Variants in WNK3 observed in about 807,000 individuals in gnomAD.
WNK3 encodes WNK lysine deficient protein kinase 3, also known as serine/threonine-protein kinase WNK3.
WNK3 carries 18 observed loss-of-function variants against 116.7 expected under a neutral mutation model. That is an observed-to-expected ratio of 0.15 (90% CI 0.11 to 0.23). The LOEUF (loss-of-function observed/expected upper bound fraction) is 0.23, where lower values mean the gene tolerates loss of function less well. WNK3 is among the 10% of genes least tolerant of loss of function. The pLI is 1.00. For synonymous variants in WNK3, 404 were observed against 469.4 expected (o/e 0.86, Z 1.80); for missense variants, 993 against 1,323.8 (o/e 0.75, Z 3.88).
chrX:54,321,015 G>A lies in WNK3; in HGVS notation c.538-9724C>T, dbSNP rs782531798. On this transcript the variant is annotated intron_variant, in intron 2 of 23. Coordinates refer to ENST00000354646, the Ensembl canonical transcript of WNK3. ...GGGTTCAAGCAATTCTCCTGCCTCA[G>A]CCTTCTGAGTAGCTGGGATTACAGG... Among the ~76,000 whole-genome samples the A allele has an allele frequency of 2.7e-5, 3 of 110,407 alleles. No individual in the cohort carries two copies. In the South Asian group the frequency reaches 1.2e-3, roughly 43 times the overall value.
intron 10 of WNK3, among the ~76,000 whole-genome samples, chrX:54,285,189 A>G (rs1223664649): frequency 4.5e-5 from 5 of 110,716 alleles, no homozygotes; most frequent in Non-Finnish European, 9.5e-5. Context: ...GGAAGACCCT[A>G]TGAGCCTAGG....
At chrX:54,335,771 A>G (rs2069227328) in intron 1 of WNK3, among the ~76,000 whole-genome samples, 1 of 112,433 alleles carries the variant, frequency 8.9e-6, no homozygotes, top group South Asian at 3.6e-4. Context: ...TGCAGAAAAC[A>G]TCAAGCTAAT....
chrX:54,243,204 A>C (rs1441918832), intron 17 of WNK3, among the ~76,000 whole-genome samples: 5 of 107,516 alleles, frequency 4.7e-5, no homozygotes, highest in Non-Finnish European at 9.6e-5. Flanking sequence ...TCACGAGGTC[A>C]GGAGATCGAG....
At chrX:54,213,882 C>A (rs1021023500) in intron 22 of WNK3, among the ~76,000 whole-genome samples, 1 of 110,431 alleles carries the variant, frequency 9.1e-6, no homozygotes, top group Admixed American at 9.7e-5. Flanking sequence ...GGAACAAGTC[C>A]CCCCCAAAAC....
At chrX:54,193,092 T>C (rs1182794773) in exon 24 of WNK3, 1 of 111,292 alleles carries the variant, frequency 9.0e-6, no homozygotes, top group Non-Finnish European at 1.9e-5. Context: ...CATTCCCCAA[T>C]TAAGAAAGGA....
At chrX:54,318,492 G>A (rs1448182029) in intron 2 of WNK3, among the ~76,000 whole-genome samples, 4 of 110,877 alleles carry the variant, frequency 3.6e-5, no homozygotes, top group Non-Finnish European at 7.6e-5. Context: ...AGTACTTAGG[G>A]AGGCTAGGAA....
In WNK3 at chrX:54,311,103, A is replaced by G; in HGVS notation, c.710+16T>C. 9.1e-7 allele frequency: 1 copy of G among 1,100,408 alleles called. No homozygotes were observed. 90.7% of individuals were successfully genotyped at this position (1,100,408 alleles called of 1,213,427 possible). ...TTCCAAATAAAACTACATTGGCACT[A>G]TCAGGGTCAACTTACGTCTTTAAGG... On this transcript the variant is annotated intron_variant, in intron 3 of 23. Coordinates refer to ENST00000354646, the Ensembl canonical transcript of WNK3.
At chrX:54,208,578 T>C (rs991391624) in intron 22 of WNK3, among the ~76,000 whole-genome samples, 34 of 111,046 alleles carry the variant, frequency 3.1e-4, no homozygotes, top group African/African-American at 1.1e-3. Context: ...TTTCGACATA[T>C]TGCCCAGGCT....
chrX:54,234,957 TA>T (rs1325419753), intron 20 of WNK3, among the ~76,000 whole-genome samples: 4 of 112,380 alleles, frequency 3.6e-5, no homozygotes, highest in Admixed American at 9.5e-5. Context: ...GTATAGTACT[TA>T]ATATATAAGT....
intron 22 of WNK3, among the ~76,000 whole-genome samples, chrX:54,210,399 T>C (rs1212941336): frequency 3.6e-5 from 4 of 112,048 alleles, no homozygotes; most frequent in African/African-American, 6.5e-5. Flanking sequence ...GGTGGGAGGA[T>C]TGCTTGAGGT....
chrX:54,292,790 C>A (rs1603391571), intron 10 of WNK3, 98 bp downstream of exon 10: 10 of 759,375 alleles, frequency 1.3e-5, no homozygotes, highest in Admixed American at 4.2e-5. Context: ...TTTCTCTAAA[C>A]TATAATGAAT....
rs782407625 is a variant in WNK3 at position 54,323,597 on chromosome X, A to G, written c.537+9540T>C. 7.1e-5 allele frequency among the ~76,000 whole-genome samples: 8 copies of G among 111,928 alleles called. No homozygotes were observed. The South Asian group carries it at 1.5e-3, about 21-fold the overall frequency. On this transcript the variant is annotated intron_variant, in intron 2 of 23. Coordinates refer to ENST00000354646, the Ensembl canonical transcript of WNK3. The stretch of plus-strand genomic sequence containing the variant: ...TGCAACTCTTCTGTGAGTAGAAAAT[A>G]TATCAAAATAAAAAGTTTTTAAAAA...
chrX:54,211,153 CAT>C (rs1393200152), intron 22 of WNK3, among the ~76,000 whole-genome samples: 4 of 111,836 alleles, frequency 3.6e-5, no homozygotes, highest in African/African-American at 1.3e-4. Context: ...AAATTCTCCA[CAT>C]GTCAGGCTGA....
At chrX:54,340,170 A>G (rs1216924202) in intron 1 of WNK3, among the ~76,000 whole-genome samples, 1 of 110,977 alleles carries the variant, frequency 9.0e-6, no homozygotes, top group Middle Eastern at 4.2e-3. Context: ...AAAACCAAAA[A>G]AACAGAGAAG....
chrX:54,292,426 C>T (rs1330778880), intron 10 of WNK3, among the ~76,000 whole-genome samples: 2 of 111,139 alleles, frequency 1.8e-5, no homozygotes, highest in Admixed American at 9.7e-5. Context: ...CATCTTGGGC[C>T]GGGTACTGTG....
At position 54,353,136 on chromosome X, in the gene WNK3, A is replaced by T. The variant is rs782504079; in HGVS notation, c.-120+4550T>A. Among the ~76,000 whole-genome samples the T allele has an allele frequency of 4.5e-5, 5 of 112,038 alleles. No individual in the cohort carries two copies. In the East Asian group the frequency reaches 1.1e-3, roughly 25 times the overall value. On this transcript the variant is annotated intron_variant, in intron 1 of 23. Transcript: ENST00000354646. ...CTGCACAACATTGTGAAGTTACCTA[A>T]TGCCACTGTACAACTGTACACTTTA...
chrX:54,247,542 A>G (rs1557152934), intron 17 of WNK3, among the ~76,000 whole-genome samples: 1 of 110,204 alleles, frequency 9.1e-6, no homozygotes, highest in Non-Finnish European at 1.9e-5. Flanking sequence ...TCATATATAA[A>G]AAGTATGTCT....
chrX:54,211,673 G>A (rs1164235397), intron 22 of WNK3, among the ~76,000 whole-genome samples: 2 of 109,547 alleles, frequency 1.8e-5, no homozygotes, highest in African/African-American at 6.6e-5. Context: ...GCGTGGTGGC[G>A]GGCGCCTGTA....
intron 17 of WNK3, among the ~76,000 whole-genome samples, chrX:54,243,906 A>T (rs181190960): frequency 6.9e-4 from 78 of 112,357 alleles, no homozygotes; most frequent in Admixed American, 1.5e-3. Flanking sequence ...GAATGGATAA[A>T]CAAAATGCAG....
Sources: gnomAD v4.1 joint callset for allele counts (sites outside exome capture counted in the v4.1 genomes callset) on GRCh38, gnomAD v4.1.1 for gene constraint, MANE v1.5 for transcripts, NCBI Gene and HGNC (gene_info 2026-07-23, HGNC 2026-07-21) for gene names.